Variants in CDH13 observed in about 807,000 individuals in gnomAD.
CDH13 encodes the protein cadherin-13.
In CDH13, 24 loss-of-function variants were observed where a neutral mutation model predicts 63.8. The observed-to-expected ratio is 0.38, with a 90% confidence interval of 0.27 to 0.53. The LOEUF (loss-of-function observed/expected upper bound fraction) is 0.53. Among genes scored for constraint, CDH13 ranks in the 20% least tolerant of loss-of-function variants. CDH13 has a pLI of 0.85. For missense variants in CDH13, 1,049 were observed against 903.1 expected, an observed-to-expected ratio of 1.16 and a Z score of -2.07; for synonymous variants, 503 against 355.3, an observed-to-expected ratio of 1.42 and a Z score of -4.67.
At chr16:82,949,500 A>G (rs1036557777) in intron 2 of CDH13, among the ~76,000 whole-genome samples, 2 of 152,208 alleles carry the variant, frequency 1.3e-5, no homozygotes, top group African/African-American at 4.8e-5. Context: ...TTAGGGGGAC[A>G]CAATTCAACC....
chr16:82,977,602 G>C (rs1472259059), intron 2 of CDH13, among the ~76,000 whole-genome samples: 4 of 152,110 alleles, frequency 2.6e-5, no homozygotes, highest in Non-Finnish European at 5.9e-5. Context: ...AATTTCCTGA[G>C]AACTCCCAGA....
At chr16:83,644,012 T>A (rs1439220227) in intron 8 of CDH13, among the ~76,000 whole-genome samples, 1 of 152,196 alleles carries the variant, frequency 6.6e-6, no homozygotes, top group Admixed American at 6.5e-5. Context: ...TAACATAAGC[T>A]GTAACGAGGG....
intron 13 of CDH13, among the ~76,000 whole-genome samples, chr16:83,793,647 C>G (rs1397483057): frequency 2.0e-5 from 3 of 152,032 alleles, no homozygotes; most frequent in Non-Finnish European, 2.9e-5. Flanking sequence ...AACCTGTAAA[C>G]ATGTTACCTT....
chr16:83,682,999 C>T (rs1051325955), intron 10 of CDH13, among the ~76,000 whole-genome samples: 4 of 152,200 alleles, frequency 2.6e-5, no homozygotes, highest in Admixed American at 1.3e-4. Context: ...CGTCCTGCCT[C>T]GCATGAGGAA....
intron 5 of CDH13, among the ~76,000 whole-genome samples, chr16:83,250,007 A>G (rs537517989): frequency 1.7e-4 from 26 of 152,312 alleles, no homozygotes; most frequent in African/African-American, 6.0e-4. Flanking sequence ...GTTTCATTGC[A>G]ATAGGAGTGT....
At chr16:82,865,716 C>G (rs560922965) in intron 2 of CDH13, among the ~76,000 whole-genome samples, 2 of 152,090 alleles carry the variant, frequency 1.3e-5, no homozygotes, top group South Asian at 2.1e-4. Flanking sequence ...ACCCACCAGC[C>G]CTGTTACACC....
At chr16:82,765,154 T>C (rs1271913411) in intron 1 of CDH13, among the ~76,000 whole-genome samples, 2 of 152,204 alleles carry the variant, frequency 1.3e-5, no homozygotes, top group African/African-American at 4.8e-5. Context: ...TTTATGGATG[T>C]GTCAGAACAA....
chr16:82,941,563 C>T (rs1904287262), intron 2 of CDH13, among the ~76,000 whole-genome samples: 1 of 152,184 alleles, frequency 6.6e-6, no homozygotes, highest in Admixed American at 6.6e-5. Flanking sequence ...GTGTGGATAG[C>T]ACACTTTATT....
intron 10 of CDH13, among the ~76,000 whole-genome samples, chr16:83,687,072 G>A (rs974836525): frequency 1.3e-5 from 2 of 152,238 alleles, no homozygotes; most frequent in Non-Finnish European, 2.9e-5. Flanking sequence ...AGTTAGCCAG[G>A]CATGGTGGTG....
At chr16:82,805,117 A>C (rs1216492181) in intron 1 of CDH13, among the ~76,000 whole-genome samples, 1 of 152,036 alleles carries the variant, frequency 6.6e-6, no homozygotes, top group African/African-American at 2.4e-5. Flanking sequence ...TTTCACTTTC[A>C]TTGTGTGTGT....
chr16:83,201,183 T>C (rs1309235904), intron 4 of CDH13, among the ~76,000 whole-genome samples: 1 of 152,176 alleles, frequency 6.6e-6, no homozygotes, highest in Non-Finnish European at 1.5e-5. Context: ...CAGCTTGTCT[T>C]AGCATAGCTT....
At chr16:82,868,172 T>C (rs1049193849) in intron 2 of CDH13, among the ~76,000 whole-genome samples, 4 of 152,206 alleles carry the variant, frequency 2.6e-5, no homozygotes, top group Non-Finnish European at 5.9e-5. Context: ...TGTTGCGATG[T>C]GCCAAGGAAA....
intron 2 of CDH13, among the ~76,000 whole-genome samples, chr16:83,030,444 C>A (rs528618407): frequency 6.6e-6 from 1 of 151,878 alleles, no homozygotes; most frequent in African/African-American, 2.4e-5. Flanking sequence ...GAGTTCGAGA[C>A]CAGTCTGGCC....
In CDH13 at chr16:82,842,128, A is replaced by G. The variant is rs1354715570; in HGVS notation, c.46-16234A>G. 1.0e-4 allele frequency among the ~76,000 whole-genome samples: 5 copies of G among 48,562 alleles called. 1 individual carries two copies. Among genetic ancestry groups the G allele is most frequent in the African/African-American group, 2.8e-4 (4 of 14,400 alleles). 31.9% of individuals were successfully genotyped at this position (48,562 alleles called of 152,430 possible). A position where few individuals can be genotyped will look rare whatever the true frequency, so the allele number is the denominator to read the frequency against. The stretch of plus-strand genomic sequence containing the variant: ...TATATATATGTATATATATATATAT[A>G]TATATATATACACATATATATATAT... On this transcript the variant is annotated intron_variant, in intron 1 of 13. Coordinates refer to ENST00000567109, the MANE Select transcript of CDH13 (RefSeq NM_001257.5).
intron 1 of CDH13, among the ~76,000 whole-genome samples, chr16:82,833,372 T>C (rs889174376): frequency 6.6e-6 from 1 of 152,194 alleles, no homozygotes; most frequent in African/African-American, 2.4e-5. Context: ...AAAGTGCCTC[T>C]GTGGAAGTTG....
chr16:82,983,930 C>T (rs941902646), intron 2 of CDH13, among the ~76,000 whole-genome samples: 4 of 152,146 alleles, frequency 2.6e-5, no homozygotes, highest in Admixed American at 2.0e-4. Context: ...GAGGGCTTTT[C>T]CTGAAGACAC....
chr16:82,783,488 T>C (rs2035861768), intron 1 of CDH13, among the ~76,000 whole-genome samples: 2 of 152,112 alleles, frequency 1.3e-5, no homozygotes, highest in East Asian at 1.9e-4. Flanking sequence ...CACAGAGAGG[T>C]GAGCCCCAGG....
intron 1 of CDH13, among the ~76,000 whole-genome samples, chr16:82,811,777 A>G (rs1442771093): frequency 6.6e-6 from 1 of 152,132 alleles, no homozygotes; most frequent in Non-Finnish European, 1.5e-5. Context: ...ACAATTGGGT[A>G]TGTATAGACA....
In CDH13 at chr16:83,220,925, G is replaced by A. The variant is rs183537287; in HGVS notation, c.636+3428G>A. ...GCTCCTGTTTATTGAACACTGCATG[G>A]CAGATATTATGCTAAACACTTTGTA... On this transcript the variant is annotated intron_variant, in intron 5 of 13. Transcript: ENST00000567109. Among the ~76,000 whole-genome samples the A allele has an allele frequency of 2.2e-4, 33 of 152,328 alleles. No homozygotes were observed. The East Asian group carries it at 6.2e-3, about 28-fold the overall frequency.
Sources: allele counts gnomAD v4.1 joint callset (sites outside exome capture counted in the v4.1 genomes callset), GRCh38; gene constraint gnomAD v4.1.1; transcripts MANE v1.5; gene names NCBI Gene and HGNC (gene_info 2026-07-23, HGNC 2026-07-21).